Variants in EBF2 observed in about 807,000 individuals in gnomAD.
EBF2 encodes the protein EBF transcription factor 2, also known as transcription factor COE2.
EBF2 carries 21 observed loss-of-function variants against 72.8 expected under a neutral mutation model. The ratio of observed to expected loss-of-function variants is 0.29; its 90% confidence interval spans 0.20 to 0.42. The LOEUF is 0.42. EBF2 is among the 10% of genes least tolerant of loss of function. EBF2 has a pLI of 1.00. For missense variants in EBF2, 637 were observed against 731.2 expected, an observed-to-expected ratio of 0.87 and a Z score of 1.49; for synonymous variants, 299 against 274.2, an observed-to-expected ratio of 1.09 and a Z score of -0.89.
chr8:25,994,340 A>T (rs1419062531), intron 6 of EBF2, among the ~76,000 whole-genome samples: 1 of 152,214 alleles, frequency 6.6e-6, no homozygotes, highest in East Asian at 1.9e-4. Flanking sequence ...GCAAAATTTT[A>T]TAAAACTATT....
At chr8:25,869,305 G>C (rs538748265) in intron 10 of EBF2, among the ~76,000 whole-genome samples, 3 of 152,202 alleles carry the variant, frequency 2.0e-5, no homozygotes, top group African/African-American at 7.2e-5. Context: ...TTGTGCCACT[G>C]GTTCTCACTC....
At chr8:26,039,985 C>A in intron 5 of EBF2, 43 bp downstream of exon 5, 1 of 1,604,394 alleles carries the variant, frequency 6.2e-7, no homozygotes, top group Admixed American at 1.7e-5. Flanking sequence ...GGCTGGAGCA[C>A]CTGCGGGCTC....
intron 6 of EBF2, among the ~76,000 whole-genome samples, chr8:25,914,136 C>T (rs1364515775): frequency 6.6e-6 from 1 of 152,194 alleles, no homozygotes; most frequent in East Asian, 1.9e-4. Context: ...TGGGTGGCCA[C>T]ACCCATGAGT....
At chr8:25,969,425 C>A (rs567171963) in intron 6 of EBF2, among the ~76,000 whole-genome samples, 1 of 152,304 alleles carries the variant, frequency 6.6e-6, no homozygotes, top group South Asian at 2.1e-4. Context: ...TTCTCCTGTG[C>A]TTTTGAGAAC....
intron 6 of EBF2, among the ~76,000 whole-genome samples, chr8:25,987,170 G>C (rs1357587160): frequency 6.6e-6 from 1 of 152,216 alleles, no homozygotes; most frequent in Non-Finnish European, 1.5e-5. Flanking sequence ...ACTTAGCAAA[G>C]AGTCATATTT....
intron 6 of EBF2, among the ~76,000 whole-genome samples, chr8:25,956,807 C>T (rs77311895): frequency 0.019 from 2,859 of 152,256 alleles, 96 homozygotes; most frequent in African/African-American, 0.064. Flanking sequence ...CATTATTCAG[C>T]GCTAACATTT....
chr8:25,949,734 T>C (rs1262131871), intron 6 of EBF2, among the ~76,000 whole-genome samples: 2 of 151,806 alleles, frequency 1.3e-5, no homozygotes, highest in African/African-American at 2.4e-5. Context: ...GGGAGGGTGG[T>C]CATGGGAGTG....
intron 7 of EBF2, among the ~76,000 whole-genome samples, chr8:25,906,904 C>A (rs1363264332): frequency 6.6e-6 from 1 of 152,042 alleles, no homozygotes; most frequent in Non-Finnish European, 1.5e-5. Context: ...CCTGTCACAG[C>A]AAGATTGATA....
chr8:26,017,072 C>G (rs1252222386), intron 6 of EBF2, among the ~76,000 whole-genome samples: 2 of 151,736 alleles, frequency 1.3e-5, no homozygotes, highest in African/African-American at 2.4e-5. Flanking sequence ...CCCCAAGGAC[C>G]TTTCCAGACT....
At chr8:25,867,248 CTA>C (rs1167459837) in intron 10 of EBF2, among the ~76,000 whole-genome samples, 1 of 152,182 alleles carries the variant, frequency 6.6e-6, no homozygotes, top group African/African-American at 2.4e-5. Flanking sequence ...GCTTTGAAAA[CTA>C]TATTGAGAAG....
intron 6 of EBF2, among the ~76,000 whole-genome samples, chr8:25,916,285 CA>C (rs58880741): frequency 0.69 from 77,251 of 112,248 alleles, 26,357 homozygotes; most frequent in Non-Finnish European, 0.78. Flanking sequence ...GACTCTATCT[CA>C]AAAAAAAAAA....
At chr8:25,890,927 C>A (rs763707055) in intron 7 of EBF2, among the ~76,000 whole-genome samples, 1 of 152,196 alleles carries the variant, frequency 6.6e-6, no homozygotes, top group Non-Finnish European at 1.5e-5. Flanking sequence ...TTGGTGTGTG[C>A]CAAACTGGGA....
At chr8:26,030,113 T>C (rs887476321) in intron 6 of EBF2, among the ~76,000 whole-genome samples, 3 of 152,122 alleles carry the variant, frequency 2.0e-5, no homozygotes, top group Admixed American at 1.3e-4. Context: ...GATCCCACTA[T>C]GGTGCTCAGG....
intron 10 of EBF2, among the ~76,000 whole-genome samples, chr8:25,883,892 G>A (rs923254864): frequency 3.9e-5 from 6 of 152,132 alleles, no homozygotes; most frequent in East Asian, 1.9e-4. Context: ...GACAGCACAC[G>A]CTTCTGGCTT....
At chr8:26,007,770 C>T (rs116924956) in intron 6 of EBF2, among the ~76,000 whole-genome samples, 1,593 of 152,040 alleles carry the variant, frequency 0.01, 19 homozygotes, top group South Asian at 0.027. Context: ...ATCACTTTCC[C>T]GTACACTTGC....
chr8:26,032,970 A>G (rs1490121890), intron 6 of EBF2, 115 bp downstream of exon 6: 1 of 977,486 alleles, frequency 1.0e-6, no homozygotes, highest in East Asian at 2.4e-5. Context: ...GAGCTTAGTG[A>G]CTTGAAATAA....
chr8:25,881,191 T>C (rs765277250), intron 10 of EBF2, among the ~76,000 whole-genome samples: 4 of 152,166 alleles, frequency 2.6e-5, no homozygotes, highest in Non-Finnish European at 4.4e-5. Flanking sequence ...GCAAATCTGA[T>C]GGTGGCAATA....
chr8:26,011,833 A>G (rs2117234799), intron 6 of EBF2, among the ~76,000 whole-genome samples: 1 of 152,122 alleles, frequency 6.6e-6, no homozygotes, highest in African/African-American at 2.4e-5. Flanking sequence ...GCAATGTGTT[A>G]TCATATTTCC....
At chr8:26,000,436 A>G (rs765659498) in intron 6 of EBF2, among the ~76,000 whole-genome samples, 1 of 152,234 alleles carries the variant, frequency 6.6e-6, no homozygotes, top group Non-Finnish European at 1.5e-5. Flanking sequence ...AGCAGCAACC[A>G]TGATCACCAG....
Sources: allele counts gnomAD v4.1 joint callset (sites outside exome capture counted in the v4.1 genomes callset), GRCh38; gene constraint gnomAD v4.1.1; transcripts MANE v1.5; gene names NCBI Gene and HGNC (gene_info 2026-07-23, HGNC 2026-07-21).